CTIF: variants seen among roughly 807,000 people sequenced by gnomAD.
CTIF encodes the protein CBP80/20-dependent translation initiation factor.
A neutral mutation model predicts 66.0 loss-of-function variants in CTIF; 21 were observed. The observed-to-expected ratio is 0.32, with a 90% CI of 0.23 to 0.46. CTIF has a LOEUF of 0.46. CTIF is among the 20% of genes least tolerant of loss of function. CTIF has a pLI of 1.00. For synonymous variants in CTIF, 345 were observed against 326.4 expected (o/e 1.06, Z -0.62); for missense variants, 739 against 812.7 (o/e 0.91, Z 1.10).
At chr18:48,731,096 A>G (rs148442589) in intron 7 of CTIF, among the ~76,000 whole-genome samples, 1 of 152,248 alleles carries the variant, frequency 6.6e-6, no homozygotes, top group African/African-American at 2.4e-5. Context: ...AGGGGTGCTC[A>G]TGGAGCAGTG....
At chr18:48,542,987 G>A (rs1353337187) in intron 1 of CTIF, among the ~76,000 whole-genome samples, 1 of 152,244 alleles carries the variant, frequency 6.6e-6, no homozygotes, top group Non-Finnish European at 1.5e-5. Flanking sequence ...ACAGGCTGTG[G>A]CTTTGGTCAA....
At chr18:48,554,109 T>C (rs1184760481) in intron 1 of CTIF, among the ~76,000 whole-genome samples, 1 of 152,200 alleles carries the variant, frequency 6.6e-6, no homozygotes, top group African/African-American at 2.4e-5. Flanking sequence ...TGTCCGCCAG[T>C]GTGACCAGCT....
chr18:48,688,602 G>A (rs1335239347), intron 6 of CTIF, among the ~76,000 whole-genome samples: 4 of 152,182 alleles, frequency 2.6e-5, no homozygotes, highest in Non-Finnish European at 5.9e-5. Flanking sequence ...AACAAGGAAG[G>A]CAAGGCTCCC....
chr18:48,648,902 C>A (rs571750799), intron 3 of CTIF, among the ~76,000 whole-genome samples: 18 of 152,262 alleles, frequency 1.2e-4, no homozygotes, highest in African/African-American at 3.9e-4. Flanking sequence ...GGTGGATCAC[C>A]TGAGGTCAGG....
chr18:48,756,546 C>T (rs11082701), intron 7 of CTIF, among the ~76,000 whole-genome samples: 5 of 151,996 alleles, frequency 3.3e-5, no homozygotes, highest in South Asian at 2.1e-4. Context: ...GGAGGTGCAG[C>T]GCTTATTCTT....
chr18:48,595,997 G>A (rs1282392800), intron 1 of CTIF, among the ~76,000 whole-genome samples: 3 of 152,122 alleles, frequency 2.0e-5, no homozygotes. Context: ...GGCAGTCATG[G>A]TCTTTTGTAA....
chr18:48,748,062 C>T (rs1040097545), intron 7 of CTIF, among the ~76,000 whole-genome samples: 7 of 152,130 alleles, frequency 4.6e-5, no homozygotes, highest in South Asian at 2.1e-4. Context: ...TGGACTTTGA[C>T]GAATTAAAAT....
chr18:48,659,243 G>T (rs538590172), intron 3 of CTIF, among the ~76,000 whole-genome samples: 8 of 152,264 alleles, frequency 5.3e-5, no homozygotes, highest in East Asian at 3.9e-4. Context: ...CTGTGTCCAA[G>T]GTGTTGCCCT....
At chr18:48,607,459 C>T (rs758377705) in intron 1 of CTIF, among the ~76,000 whole-genome samples, 4 of 152,226 alleles carry the variant, frequency 2.6e-5, no homozygotes, top group Non-Finnish European at 5.9e-5. Context: ...CATCAGCAGC[C>T]GTCTGCTAAT....
chr18:48,816,254 C>G (rs1210005513), intron 9 of CTIF, among the ~76,000 whole-genome samples: 1 of 152,174 alleles, frequency 6.6e-6, no homozygotes, highest in Non-Finnish European at 1.5e-5. Context: ...AATTGGCACA[C>G]CATCACTCCT....
chr18:48,688,630 C>A (rs2091880851), intron 6 of CTIF, among the ~76,000 whole-genome samples: 1 of 152,212 alleles, frequency 6.6e-6, no homozygotes, highest in East Asian at 1.9e-4. Flanking sequence ...AAGTGCTGGG[C>A]CAGAGGCCAC....
chr18:48,654,945 C>T (rs1054692073), intron 3 of CTIF, among the ~76,000 whole-genome samples: 2 of 150,966 alleles, frequency 1.3e-5, no homozygotes, highest in African/African-American at 2.4e-5. Flanking sequence ...GGACACAGGG[C>T]GGGGAACATC....
intron 9 of CTIF, among the ~76,000 whole-genome samples, chr18:48,781,578 C>T (rs8099616): frequency 0.48 from 73,164 of 151,804 alleles, 17,883 homozygotes; most frequent in African/African-American, 0.51. Flanking sequence ...CCATATCTAG[C>T]GAGATTTTTG....
chr18:48,670,348 G>T (rs561680746), intron 5 of CTIF, among the ~76,000 whole-genome samples: 2 of 152,334 alleles, frequency 1.3e-5, no homozygotes, highest in African/African-American at 4.8e-5. Flanking sequence ...CTTCTGTTCA[G>T]TGTAATGGGG....
chr18:48,825,130 A>G (rs917966389), intron 10 of CTIF, among the ~76,000 whole-genome samples: 7 of 152,072 alleles, frequency 4.6e-5, no homozygotes, highest in Admixed American at 1.3e-4. Context: ...AGTGGAGTAA[A>G]GGAGGAAGGC....
At chr18:48,563,532 C>T (rs752764791) in intron 1 of CTIF, among the ~76,000 whole-genome samples, 3 of 152,090 alleles carry the variant, frequency 2.0e-5, no homozygotes, top group Non-Finnish European at 2.9e-5. Flanking sequence ...AGTGCAGTGG[C>T]GCGATCTTGA....
At chr18:48,812,020 T>A (rs2068268076) in intron 9 of CTIF, among the ~76,000 whole-genome samples, 1 of 152,226 alleles carries the variant, frequency 6.6e-6, no homozygotes, top group Non-Finnish European at 1.5e-5. Context: ...TGGGGTGCAG[T>A]GGCATGATCT....
chr18:48,592,649 G>A (rs758398001), intron 1 of CTIF, among the ~76,000 whole-genome samples: 17 of 152,202 alleles, frequency 1.1e-4, no homozygotes, highest in Non-Finnish European at 1.9e-4. Flanking sequence ...AATAACCAGC[G>A]CGAGCCTGCC....
At chr18:48,740,933 C>T (rs1005831740) in intron 7 of CTIF, among the ~76,000 whole-genome samples, 14 of 152,150 alleles carry the variant, frequency 9.2e-5, no homozygotes, top group African/African-American at 3.4e-4. Flanking sequence ...TGTAGGCTCT[C>T]CTCAGCTTCC....
Sources: gnomAD v4.1 joint callset for allele counts (sites outside exome capture counted in the v4.1 genomes callset) on GRCh38, gnomAD v4.1.1 for gene constraint, MANE v1.5 for transcripts, NCBI Gene and HGNC (gene_info 2026-07-23, HGNC 2026-07-21) for gene names.